The following ACACA variants were observed in gnomAD, a reference collection of about 807,000 sequenced individuals.
ACACA encodes the protein acetyl-CoA carboxylase alpha, also known as acetyl-CoA carboxylase 1.
In ACACA, 103 loss-of-function variants were observed where a neutral mutation model predicts 296.1. That is an observed-to-expected ratio of 0.35 (90% confidence interval 0.30 to 0.41). The LOEUF (loss-of-function observed/expected upper bound fraction) is 0.41, where lower values mean the gene tolerates loss of function less well. Among genes scored for constraint, ACACA ranks in the 10% least tolerant of loss-of-function variants. ACACA has a pLI of 1.00. For missense variants in ACACA, 1,554 were observed against 2,989.7 expected (o/e 0.52, Z 11.20); for synonymous variants, 953 against 1,038.6 (o/e 0.92, Z 1.58).
At chr17:37,329,073 T>C in intron 3 of ACACA, 2 of 397,526 alleles carry the variant, frequency 5.0e-6, no homozygotes, top group Non-Finnish European at 8.9e-6. Context: ...AGTGTTACTA[T>C]GTACTGACAT....
rs562052588 is a variant in ACACA at position 37,374,767 on chromosome 17, C to T, written c.38+31495G>A. 2.0e-5 allele frequency among the ~76,000 whole-genome samples: 3 copies of T among 152,350 alleles called. No homozygotes were observed. The East Asian group carries it at 5.8e-4, about 29-fold the overall frequency. ...CGTATTTAGCTCTTCCTCACAACCT[C>T]TCAGCCCAATGGTCATCAGAATGTT... On this transcript the variant is annotated intron_variant, in intron 1 of 55. Coordinates refer to ENST00000616317, the MANE Select transcript of ACACA (RefSeq NM_198834.3).
chr17:37,381,456 G>C (rs978049552), intron 1 of ACACA, among the ~76,000 whole-genome samples: 1 of 151,886 alleles, frequency 6.6e-6, no homozygotes, highest in African/African-American at 2.4e-5. Context: ...AAAGTGCTAG[G>C]ATTACAAGCG....
chr17:37,335,129 A>G (rs1659225067), intron 2 of ACACA, among the ~76,000 whole-genome samples: 1 of 151,974 alleles, frequency 6.6e-6, no homozygotes, highest in Non-Finnish European at 1.5e-5. Flanking sequence ...GATCTCTCAA[A>G]ACTACATGAA....
chr17:37,259,555 A>C (rs748280390), intron 11 of ACACA, 25 bp from the exon 12 acceptor site: 75 of 1,613,770 alleles, frequency 4.6e-5, no homozygotes, highest in Non-Finnish European at 5.9e-5. Context: ...ATAAGCAAAC[A>C]TAAGTATCTC....
chr17:37,330,029 T>C lies in ACACA; in HGVS notation c.338+144A>G. The C allele has an allele frequency of 2.9e-6, 3 of 1,025,336 alleles. No individual in the cohort carries two copies. In the South Asian group the frequency reaches 4.2e-5, roughly 14 times the overall value. 63.5% of individuals were successfully genotyped at this position (1,025,336 alleles called of 1,614,324 possible). ...TGATTTCTGAAAAATACATCATTTC[T>C]GACTTCCTCAACAAAGCTTTGAGTT... On this transcript the variant is annotated intron_variant, in intron 3 of 55. Transcript: ENST00000616317.
rs527944034 is a variant in ACACA at position 37,227,204 on chromosome 17, A to T, written c.3247-752T>A. 3.2e-4 allele frequency among the ~76,000 whole-genome samples: 49 copies of T among 152,368 alleles called. 2 individuals carry two copies. The South Asian group carries it at 9.5e-3, about 30-fold the overall frequency. ...TAATCTCAATCATATTCTGAGAGAAATATCCTTACTGGAGTCCAGTGGAAT... is the reference window on the plus strand; with the variant it reads ...TAATCTCAATCATATTCTGAGAGAATTATCCTTACTGGAGTCCAGTGGAAT... On this transcript the variant is annotated intron_variant, in intron 25 of 55. Transcript: ENST00000616317.
chr17:37,289,558 C>T lies in ACACA; in HGVS notation c.339-4588G>A, dbSNP rs760500968. ...GGATACAAAAATGTCAATCAAAATG[C>T]AAACTAGGACTGATCTTCTTAGGAA... On this transcript the variant is annotated intron_variant, in intron 3 of 55. Coordinates refer to ENST00000616317, the MANE Select transcript of ACACA (RefSeq NM_198834.3). The T allele has an allele frequency of 1.1e-5, 14 of 1,243,386 alleles. No homozygotes were observed. In the African/African-American group the frequency reaches 1.7e-4, roughly 15 times the overall value. 77.0% of individuals were successfully genotyped at this position (1,243,386 alleles called of 1,614,324 possible).
intron 33 of ACACA, among the ~76,000 whole-genome samples, chr17:37,204,831 G>C (rs1307668485): frequency 6.6e-6 from 1 of 152,210 alleles, no homozygotes; most frequent in Non-Finnish European, 1.5e-5. Context: ...TGAAGCTAAA[G>C]TTAAGGAGGT....
At chr17:37,329,977 A>G (rs1298946256) in intron 3 of ACACA, among the ~76,000 whole-genome samples, 196 bp downstream of exon 3, 1 of 152,152 alleles carries the variant, frequency 6.6e-6, no homozygotes, top group African/African-American at 2.4e-5. Flanking sequence ...ACCTAGTAGG[A>G]CATGAAAAAT....
intron 50 of ACACA, among the ~76,000 whole-genome samples, chr17:37,114,528 CT>C (rs1452097076): frequency 7.9e-6 from 1 of 127,244 alleles, no homozygotes; most frequent in Non-Finnish European, 1.6e-5. Context: ...AAGGCCCTGC[CT>C]TTAAAAAAAA....
chr17:37,274,070 C>T (rs2082174079), intron 9 of ACACA, 123 bp downstream of exon 9: 12 of 814,650 alleles, frequency 1.5e-5, no homozygotes. Context: ...TCAAACTACA[C>T]CTCCTGGTCT....
chr17:37,289,319 TG>T, intron 3 of ACACA: 1 of 531,416 alleles, frequency 1.9e-6, no homozygotes, highest in Non-Finnish European at 3.0e-6. Flanking sequence ...CAGGTATATC[TG>T]GCTGTAAATT....
At chr17:37,266,447 A>T (rs1024513633) in intron 10 of ACACA, among the ~76,000 whole-genome samples, 3 of 150,968 alleles carry the variant, frequency 2.0e-5, no homozygotes, top group Non-Finnish European at 4.4e-5. Context: ...AGTTAGAAGC[A>T]TGTTTCCAGC....
intron 3 of ACACA, among the ~76,000 whole-genome samples, chr17:37,306,178 G>A (rs1033440873): frequency 6.6e-6 from 1 of 152,044 alleles, no homozygotes; most frequent in Non-Finnish European, 1.5e-5. Context: ...AAAGTGCTGG[G>A]ATTACAGGCG....
chr17:37,171,557 T>C (rs772543341), intron 41 of ACACA, among the ~76,000 whole-genome samples: 4 of 152,198 alleles, frequency 2.6e-5, no homozygotes, highest in Non-Finnish European at 4.4e-5. Context: ...TTTTTCAGCA[T>C]GGCTTTTCCA....
chr17:37,394,601 G>C (rs1390199493), intron 1 of ACACA, among the ~76,000 whole-genome samples: 1 of 151,452 alleles, frequency 6.6e-6, no homozygotes. Flanking sequence ...TCTCGGCCGG[G>C]CGCGGTGGCT....
At position 37,087,602 on chromosome 17, in the gene ACACA, T is replaced by C. The variant is rs577070587; in HGVS notation, c.7029-163A>G. Among the ~76,000 whole-genome samples the C allele has an allele frequency of 7.2e-5, 11 of 152,216 alleles. No homozygotes were observed. In the South Asian group the frequency reaches 2.3e-3, roughly 32 times the overall value. ...CTATATTACAAATATCCAGCCAAGG[T>C]AGTGCAAGACAAACCCAAAACATTT... On this transcript the variant is annotated intron_variant, in intron 55 of 55. Coordinates refer to ENST00000616317, the MANE Select transcript of ACACA (RefSeq NM_198834.3).
intron 32 of ACACA, among the ~76,000 whole-genome samples, chr17:37,206,094 G>C (rs1444634283): frequency 2.0e-5 from 3 of 152,144 alleles, no homozygotes; most frequent in African/African-American, 7.2e-5. Context: ...GGCAGCAGAG[G>C]CATTAGTAAC....
At chr17:37,256,842 T>C (rs914011284) in intron 14 of ACACA, among the ~76,000 whole-genome samples, 5 of 152,334 alleles carry the variant, frequency 3.3e-5, no homozygotes, top group African/African-American at 1.2e-4. Flanking sequence ...AAATGCTATT[T>C]ATTAGTAATT....
Sources: gnomAD v4.1 joint callset for allele counts (sites outside exome capture counted in the v4.1 genomes callset) on GRCh38, gnomAD v4.1.1 for gene constraint, MANE v1.5 for transcripts, NCBI Gene and HGNC (gene_info 2026-07-23, HGNC 2026-07-21) for gene names.